Variants in OLFM1 observed in about 807,000 individuals in gnomAD.
The protein encoded by OLFM1 is noelin.
In OLFM1, 9 loss-of-function variants were observed where a neutral mutation model predicts 49.7. That is an observed-to-expected ratio of 0.18 (90% CI 0.11 to 0.32). The LOEUF is 0.32. Among genes scored for constraint, OLFM1 ranks in the 10% least tolerant of loss-of-function variants. The pLI is 1.00. For missense variants in OLFM1, 369 were observed against 661.8 expected, an observed-to-expected ratio of 0.56 and a Z score of 4.85; for synonymous variants, 240 against 271.8, an observed-to-expected ratio of 0.88 and a Z score of 1.15.
At chr9:135,110,029 G>A (rs549409618) in intron 5 of OLFM1, among the ~76,000 whole-genome samples, 33 of 152,310 alleles carry the variant, frequency 2.2e-4, no homozygotes, top group Non-Finnish European at 3.5e-4. Flanking sequence ...GAGCCCCCAA[G>A]TTCTTCTCAG....
At chr9:135,083,017 C>A (rs758413783), upstream of OLFM1, among the ~76,000 whole-genome samples, 14 of 152,200 alleles carry the variant, frequency 9.2e-5, no homozygotes, top group Non-Finnish European at 2.1e-4. Context: ...CCCAGCTGGA[C>A]CCTGGGATTG....
At chr9:135,096,830 G>A (rs953933727) in intron 3 of OLFM1, among the ~76,000 whole-genome samples, 2 of 152,300 alleles carry the variant, frequency 1.3e-5, no homozygotes, top group Middle Eastern at 3.4e-3. Flanking sequence ...AGAGAGAGAT[G>A]CCAGCCTCCT....
intron 1 of OLFM1, chr9:135,077,428 C>A: frequency 1.6e-6 from 1 of 640,912 alleles, no homozygotes; most frequent in East Asian, 3.1e-5. Flanking sequence ...ATTCCCTGTT[C>A]TGGGGAGAAA....
chr9:135,085,367 GAC>G (rs754241574), upstream of OLFM1, among the ~76,000 whole-genome samples: 1 of 152,260 alleles, frequency 6.6e-6, no homozygotes, highest in Non-Finnish European at 1.5e-5. Flanking sequence ...CTATGGCCAT[GAC>G]ATTTATAAGA....
chr9:135,106,067 G>C (rs10858335), intron 4 of OLFM1: 20,287 of 152,450 alleles, frequency 0.13, 1,596 homozygotes, highest in Non-Finnish European at 0.17. Flanking sequence ...CTGTGAGACG[G>C]GAGGGCTGCT....
At chr9:135,087,565 C>A, upstream of OLFM1, 2 of 1,117,742 alleles carry the variant, frequency 1.8e-6, no homozygotes, top group Non-Finnish European at 2.4e-6. Context: ...GGGAGCCGAG[C>A]GAGAGGAAAA....
chr9:135,092,216 T>G (rs1484075820), intron 2 of OLFM1, among the ~76,000 whole-genome samples: 1 of 152,076 alleles, frequency 6.6e-6, no homozygotes, highest in Non-Finnish European at 1.5e-5. Flanking sequence ...TCCCCTTCCT[T>G]GGAGAAGGAG....
At chr9:135,112,647 C>T (rs1831038711) in intron 5 of OLFM1, among the ~76,000 whole-genome samples, 2 of 152,220 alleles carry the variant, frequency 1.3e-5, no homozygotes, top group African/African-American at 2.4e-5. Context: ...CCACCCAGTC[C>T]GCACAGGGCC....
intron 2 of OLFM1, among the ~76,000 whole-genome samples, 157 bp from the exon 3 acceptor site, chr9:135,095,707 C>T (rs969336466): frequency 8.5e-5 from 13 of 152,184 alleles, no homozygotes; most frequent in East Asian, 7.7e-4. Flanking sequence ...CCTCACAGTC[C>T]GCGATGCTGG....
chr9:135,102,271 G>A (rs1484947073), intron 4 of OLFM1, among the ~76,000 whole-genome samples: 2 of 152,198 alleles, frequency 1.3e-5, no homozygotes, highest in Non-Finnish European at 2.9e-5. Flanking sequence ...ATGTGAGAAA[G>A]GGTCAGCCAG....
intron 4 of OLFM1, among the ~76,000 whole-genome samples, chr9:135,105,440 C>T (rs1054397466): frequency 6.6e-6 from 1 of 152,220 alleles, no homozygotes; most frequent in African/African-American, 2.4e-5. Flanking sequence ...GCCGGCAGGG[C>T]CGGGAGCGTT....
intron 4 of OLFM1, chr9:135,106,321 T>C (rs1342023572): frequency 6.0e-6 from 1 of 167,096 alleles, no homozygotes; most frequent in Non-Finnish European, 1.3e-5. Flanking sequence ...CGGGCTGGGC[T>C]GTCAGGGCAT....
At position 135,117,370 on chromosome 9, in the gene OLFM1, C is replaced by T. The variant is rs763133022; in HGVS notation, c.784-2134C>T. 1.6e-4 allele frequency among the ~76,000 whole-genome samples: 25 copies of T among 152,230 alleles called. 1 individual carries two copies. The highest frequency in any genetic ancestry group is 3.1e-4 in the Non-Finnish European group (21 of 68,046). On this transcript the variant is annotated intron_variant, in intron 5 of 5. Transcript: ENST00000371793. The surrounding 1 kb of genome is among the most constrained non-coding windows in gnomAD (Gnocchi z 5.5). ...TGACAATGAGTGATTACACTCACAG[C>T]ATCCCAAATGCCAAATTAATGACAT...
chr9:135,090,320 A>G lies in OLFM1; in HGVS notation c.276A>G (p.Lys92=). 1 of 1,613,952 alleles carries G rather than the reference A, an allele frequency of 6.2e-7. No individual in the cohort carries two copies. The highest frequency in any genetic ancestry group is 1.3e-5 in the African/African-American group (1 of 74,984). ...QTMCSRDART[K]QLRQLLEKVQ... ...TGTGTTCACGGGATGCCCGCACAAAACAGCTGAGGCAGCTACTGGAGAAGG... is the reference window on the plus strand; with the variant it reads ...TGTGTTCACGGGATGCCCGCACAAAGCAGCTGAGGCAGCTACTGGAGAAGG... Residue 92 remains lysine, a synonymous_variant, in exon 2 of 6, where the codon AAA becomes AAG. Coordinates refer to ENST00000371793, the MANE Select transcript of OLFM1 (RefSeq NM_001282611.2).
At chr9:135,116,247 C>G (rs555212354) in intron 5 of OLFM1, among the ~76,000 whole-genome samples, 11 of 152,158 alleles carry the variant, frequency 7.2e-5, no homozygotes, top group Non-Finnish European at 1.3e-4. Context: ...TGCATGGGTG[C>G]CTTCCCATTG....
Position 135,120,612 on chromosome 9 carries a change from T to G in OLFM1, c.*434T>G, listed in dbSNP as rs41283108. ...TGGGCTGCACCCGGCCGTAGGCTAG[T>G]GTAACTCGCATCCCATTGCAGTGCC... On this transcript the variant is annotated 3_prime_UTR_variant, in exon 6 of 6. Transcript: ENST00000371793. 2,884 of 199,462 alleles carry G rather than the reference T, an allele frequency of 0.014. 28 individuals carry two copies. Among genetic ancestry groups the G allele is most frequent in the Non-Finnish European group, 0.021 (2,097 of 97,888 alleles). The allele number at this position is 199,462 out of a possible 1,614,324, so 12.4% of individuals were successfully genotyped here.
chr9:135,101,957 T>TC, intron 4 of OLFM1, among the ~76,000 whole-genome samples: 1 of 152,144 alleles, frequency 6.6e-6, no homozygotes, highest in South Asian at 2.1e-4. Flanking sequence ...TTCTTTTTTT[T>TC]CCCAAAGCCT....
At chr9:135,106,721 C>G in intron 4 of OLFM1, 28 bp from the exon 5 acceptor site, 1 of 1,600,962 alleles carries the variant, frequency 6.2e-7, no homozygotes, top group Non-Finnish European at 8.5e-7. Flanking sequence ...CCCGCCCTCC[C>G]TCTCCTGACC....
In OLFM1 at chr9:135,113,623, C is replaced by G. The variant is rs1016747395; in HGVS notation, c.784-5881C>G. Among the ~76,000 whole-genome samples the G allele has an allele frequency of 2.3e-4, 35 of 152,130 alleles. No individual in the cohort carries two copies. The highest frequency in any genetic ancestry group is 2.2e-3 in the Admixed American group (34 of 15,278). The stretch of plus-strand genomic sequence containing the variant: ...AACAGGAGTCCAGCCACGTGGACAC[C>G]CCTCACTCTGTGGGATCCACAGAGC... On this transcript the variant is annotated intron_variant, in intron 5 of 5. Coordinates refer to ENST00000371793, the MANE Select transcript of OLFM1 (RefSeq NM_001282611.2). The surrounding 1 kb of genome is among the most constrained non-coding windows in gnomAD (Gnocchi z 4.0).
Sources: gnomAD v4.1 joint callset for allele counts (sites outside exome capture counted in the v4.1 genomes callset) on GRCh38, gnomAD v4.1.1 for gene constraint, Gnocchi (gnomAD v3.1) non-coding constraint, MANE v1.5 for transcripts, NCBI Gene and HGNC (gene_info 2026-07-23, HGNC 2026-07-21) for gene names.